The following RNF41 variants were observed in gnomAD, a reference collection of about 807,000 sequenced individuals.
RNF41 encodes E3 ubiquitin-protein ligase NRDP1.
RNF41 carries 4 observed loss-of-function variants against 33.0 expected under a neutral mutation model. The observed-to-expected ratio is 0.12, with a 90% CI of 0.06 to 0.28. RNF41 has a LOEUF of 0.28. Ranked by LOEUF, RNF41 falls within the 10% of genes least tolerant of loss-of-function variation. The pLI is 1.00. For missense variants in RNF41, 228 were observed against 432.6 expected (o/e 0.53, Z 4.19); for synonymous variants, 164 against 153.2 (o/e 1.07, Z -0.52).
At chr12:56,214,107 G>A (rs1868680832) in intron 2 of RNF41, 37 bp from the exon 3 acceptor site, 2 of 1,086,318 alleles carry the variant, frequency 1.8e-6, no homozygotes, top group Non-Finnish European at 2.9e-6. Flanking sequence ...CAGTTCAGAA[G>A]AAGCCTACAA....
chr12:56,216,949 G>C (rs921493751), intron 1 of RNF41, among the ~76,000 whole-genome samples: 6 of 151,758 alleles, frequency 4.0e-5, no homozygotes, highest in African/African-American at 9.7e-5. Flanking sequence ...GACCGTCCTG[G>C]CTAACACGGT....
At chr12:56,218,820 C>T (rs1312163371) in intron 1 of RNF41, among the ~76,000 whole-genome samples, 2 of 151,772 alleles carry the variant, frequency 1.3e-5, no homozygotes, top group East Asian at 1.9e-4. Context: ...TCTCCTGCCT[C>T]ATCCTCCCAA....
chr12:56,207,549 C>T (rs1868294438), intron 6 of RNF41, 97 bp downstream of exon 6: 1 of 965,060 alleles, frequency 1.0e-6, no homozygotes, highest in Non-Finnish European at 1.7e-6. Context: ...CCCAGCCCAG[C>T]TCTCCAATGC....
intron 6 of RNF41, chr12:56,207,386 C>T (rs1431153797): frequency 6.8e-6 from 6 of 877,430 alleles, no homozygotes; most frequent in East Asian, 3.2e-5. Context: ...GGGCTTTGTA[C>T]ATGGGTACTC....
At position 56,216,177 on chromosome 12, in the gene RNF41, G is replaced by A. The variant is rs111513197; in HGVS notation, c.-24+252C>T. ...TGTCCTCAAACTAAGGTGTAGGCTT[G>A]AGCCCAATGAGTACATAGGAAAAAA... On this transcript the variant is annotated intron_variant, in intron 2 of 6. Coordinates refer to ENST00000345093, the MANE Select transcript of RNF41 (RefSeq NM_005785.4). Among the ~76,000 whole-genome samples, 175 of 150,936 alleles carry A rather than the reference G, an allele frequency of 1.2e-3. 1 individual carries two copies. The highest frequency in any genetic ancestry group is 3.9e-3 in the African/African-American group (159 of 41,246).
intron 6 of RNF41, 64 bp downstream of exon 6, chr12:56,207,582 T>A: frequency 8.1e-7 from 1 of 1,236,050 alleles, no homozygotes; most frequent in Non-Finnish European, 1.2e-6. Flanking sequence ...ACTCTCCTGC[T>A]CTTCCTCCTT....
At chr12:56,217,646 C>T (rs1046425818) in intron 1 of RNF41, among the ~76,000 whole-genome samples, 3 of 152,218 alleles carry the variant, frequency 2.0e-5, no homozygotes, top group Non-Finnish European at 4.4e-5. Flanking sequence ...CAGTACCAGA[C>T]TGTGGCCTAT....
chr12:56,207,723 T>C lies in RNF41; in HGVS notation c.525A>G (p.Ala175=). The change falls in exon 6 of 7, where the codon GCA becomes GCG. Residue 175 remains alanine, a synonymous_variant. Transcript: ENST00000345093. ...EQKRDIQLLK[A]YMRAIRSVNP... is the part of the protein sequence containing the mutation. ...TGACACTGCGGATTGCACGCATGTA[T>C]GCCTTTAGCAGCTGGATGTCTCGCT... is the stretch of plus-strand genomic sequence containing the variant. 1 of 1,614,140 alleles carries C rather than the reference T, an allele frequency of 6.2e-7. No individual in the cohort carries two copies.
intron 1 of RNF41, among the ~76,000 whole-genome samples, chr12:56,219,193 TTA>T (rs1471117844): frequency 1.3e-5 from 2 of 149,598 alleles, no homozygotes; most frequent in African/African-American, 4.9e-5. Flanking sequence ...ATTTATTTAT[TTA>T]TTTATTTTTT....
In RNF41 at chr12:56,206,665, G is replaced by A; in HGVS notation, c.736C>T (p.Leu246=). The A allele has an allele frequency of 6.2e-7, 1 of 1,614,102 alleles. No homozygotes were observed. The highest frequency in any genetic ancestry group is 8.5e-7 in the Non-Finnish European group (1 of 1,180,032). Residue 246 remains leucine, a synonymous_variant, in exon 7 of 7, where the codon CTG becomes TTG. Transcript: ENST00000345093. This position sits in a 1 kb window ranked among gnomAD's most constrained non-coding sequence, Gnocchi z 5.7. ...CTACGCTCGTGGGCATTTTCAATCA[G>A]CTCGTTGACAATAGAAGCAGGACAG... is the stretch of plus-strand genomic sequence containing the variant. ...SGCPASIVNE[L]IENAHERSWP...
intron 4 of RNF41, 77 bp from the exon 5 acceptor site, chr12:56,208,375 G>A: frequency 6.6e-7 from 1 of 1,505,480 alleles, no homozygotes. Flanking sequence ...TTCTGTGGCA[G>A]ATAACTGCTA....
chr12:56,209,997 C>A, intron 4 of RNF41: 1 of 379,806 alleles, frequency 2.6e-6, no homozygotes, highest in Non-Finnish European at 4.9e-6. Flanking sequence ...TAGCAGTCAA[C>A]CTGACAAACG....
intron 1 of RNF41, among the ~76,000 whole-genome samples, chr12:56,220,092 A>C (rs1370141078): frequency 6.6e-6 from 1 of 152,086 alleles, no homozygotes; most frequent in Non-Finnish European, 1.5e-5. Flanking sequence ...ATCCTCAAGT[A>C]AGATTATTTG....
At chr12:56,219,902 G>A (rs1191943200) in intron 1 of RNF41, among the ~76,000 whole-genome samples, 6 of 151,542 alleles carry the variant, frequency 4.0e-5, no homozygotes, top group Non-Finnish European at 5.9e-5. Flanking sequence ...CTGTAGTCCC[G>A]GCTACTGAGG....
intron 1 of RNF41, among the ~76,000 whole-genome samples, chr12:56,220,216 T>C (rs1406909172): frequency 1.3e-5 from 2 of 151,428 alleles, no homozygotes; most frequent in South Asian, 2.1e-4. Flanking sequence ...TTTGTTTTTT[T>C]TGGCGGGGGG....
In RNF41 at chr12:56,206,609, A is replaced by G; in HGVS notation, c.792T>C (p.Thr264=). The change falls in exon 7 of 7, where the codon ACT becomes ACC. Residue 264 remains threonine, a synonymous_variant. Transcript: ENST00000345093. This position sits in a 1 kb window ranked among gnomAD's most constrained non-coding sequence, Gnocchi z 5.7. Reference sequence around the variant, plus strand: ...CATAGTAGCGTCGGTTCATCTGTCTAGTCTCTAGTGTGGCCAGACCCTGGG... The same window carrying G: ...CATAGTAGCGTCGGTTCATCTGTCTGGTCTCTAGTGTGGCCAGACCCTGGG... ...SWPQGLATLE[T]RQMNRRYYEN... 6.2e-7 allele frequency: 1 copy of G among 1,614,060 alleles called. No individual in the cohort carries two copies. The highest frequency in any genetic ancestry group is 8.5e-7 in the Non-Finnish European group (1 of 1,180,006).
At position 56,204,100 on chromosome 12, in the gene RNF41, A is replaced by G. The variant is rs1265319103; in HGVS notation, c.*2347T>C. The G allele has an allele frequency of 6.6e-6, 1 of 152,222 alleles. No homozygotes were observed. The highest frequency in any genetic ancestry group is 1.5e-5 in the Non-Finnish European group (1 of 68,042). The allele number at this position is 152,222 out of a possible 1,614,324, so 9.4% of individuals were successfully genotyped here. Reference sequence around the variant, plus strand: ...TCTTAGCTAGGAAACACTGGGAGGTAGAGACTTCTCTGCCTGCAAAGGAAT... The same window carrying G: ...TCTTAGCTAGGAAACACTGGGAGGTGGAGACTTCTCTGCCTGCAAAGGAAT... On this transcript the variant is annotated 3_prime_UTR_variant, in exon 7 of 7. Transcript: ENST00000345093.
chr12:56,210,126 T>C (rs1365206511), intron 4 of RNF41, 171 bp downstream of exon 4: 9 of 663,346 alleles, frequency 1.4e-5, no homozygotes, highest in Non-Finnish European at 2.3e-5. Context: ...ATGATTATAG[T>C]TGGAAAAGCA....
At position 56,204,174 on chromosome 12, in the gene RNF41, T is replaced by C. The variant is rs1878730746; in HGVS notation, c.*2273A>G. 6.6e-6 allele frequency: 1 copy of C among 152,166 alleles called. No individual in the cohort carries two copies. Among genetic ancestry groups the C allele is most frequent in the Non-Finnish European group, 1.5e-5 (1 of 68,034 alleles). The allele number at this position is 152,166 out of a possible 1,614,324, so 9.4% of individuals were successfully genotyped here. On this transcript the variant is annotated 3_prime_UTR_variant, in exon 7 of 7. Coordinates refer to ENST00000345093, the MANE Select transcript of RNF41 (RefSeq NM_005785.4). ...TTGTGGGACAAAGGAAAAAGATATATACATATCTTCTGTAGAAATTATCCC... is the reference window on the plus strand; with the variant it reads ...TTGTGGGACAAAGGAAAAAGATATACACATATCTTCTGTAGAAATTATCCC...
Sources: allele counts gnomAD v4.1 joint callset (sites outside exome capture counted in the v4.1 genomes callset), GRCh38; gene constraint gnomAD v4.1.1; non-coding constraint Gnocchi (gnomAD v3.1); transcripts MANE v1.5; gene names NCBI Gene and HGNC (gene_info 2026-07-23, HGNC 2026-07-21).